Variants in NEBL observed in about 807,000 individuals in gnomAD.
NEBL encodes the protein LIM and SH3 protein 2.
In NEBL, 122 loss-of-function variants were observed where a neutral mutation model predicts 140.2. The ratio of observed to expected loss-of-function variants is 0.87; its 90% CI spans 0.75 to 1.01. The LOEUF is 1.01. Ranked by LOEUF, NEBL falls within the 50% of genes least tolerant of loss-of-function variation. The pLI, the probability that NEBL is intolerant of heterozygous loss-of-function variation, is 0.00. For missense variants in NEBL, 1,365 were observed against 1,231.3 expected (o/e 1.11, Z -1.62); for synonymous variants, 436 against 398.9 (o/e 1.09, Z -1.11).
At chr10:20,854,990 A>T (rs1027297771) in intron 9 of NEBL, among the ~76,000 whole-genome samples, 1 of 152,044 alleles carries the variant, frequency 6.6e-6, no homozygotes, top group African/African-American at 2.4e-5. Context: ...TCTGGGAGGC[A>T]GAGACAGGCG....
chr10:21,279,289 A>ATTTT (rs33940640), intron 1 of NEBL, among the ~76,000 whole-genome samples: 6 of 131,830 alleles, frequency 4.6e-5, no homozygotes, highest in Non-Finnish European at 7.9e-5. Context: ...TATTTTTTCA[A>ATTTT]TTTTTTTTTT....
intron 25 of NEBL, 31 bp from the exon 26 acceptor site, chr10:20,808,690 G>A (rs1275240391): frequency 1.9e-6 from 3 of 1,601,168 alleles, no homozygotes; most frequent in Non-Finnish European, 8.6e-7. Flanking sequence ...TTACACGTGT[G>A]ATTAAGTGAC....
intron 26 of NEBL, among the ~76,000 whole-genome samples, chr10:20,790,382 C>T (rs1020771608): frequency 1.3e-5 from 2 of 151,942 alleles, no homozygotes; most frequent in African/African-American, 4.8e-5. Flanking sequence ...GTGGGCAGAT[C>T]ACTGGAGGTC....
At chr10:21,113,161 A>C in intron 2 of NEBL, 1 of 297,580 alleles carries the variant, frequency 3.4e-6, no homozygotes, top group Non-Finnish European at 6.4e-6. Context: ...TTTGATGATG[A>C]GGAAACTGAA....
intron 4 of NEBL, among the ~76,000 whole-genome samples, chr10:20,937,426 C>CA (rs1258769723): frequency 6.6e-6 from 1 of 152,140 alleles, no homozygotes; most frequent in Non-Finnish European, 1.5e-5. Context: ...TCAGCTGAAA[C>CA]AGGTCACTTC....
chr10:20,981,548 C>T (rs1837042816), intron 3 of NEBL, among the ~76,000 whole-genome samples: 2 of 152,172 alleles, frequency 1.3e-5, no homozygotes, highest in South Asian at 4.1e-4. Flanking sequence ...CCCTGACTTG[C>T]TTCTGAAAAC....
At chr10:20,876,068 T>C (rs1845470191) in intron 5 of NEBL, among the ~76,000 whole-genome samples, 1 of 152,240 alleles carries the variant, frequency 6.6e-6, no homozygotes, top group Admixed American at 6.5e-5. Context: ...AGGCATGCTG[T>C]GCATAAAAAC....
intron 3 of NEBL, among the ~76,000 whole-genome samples, chr10:21,007,560 C>A (rs143657852): frequency 3.3e-4 from 51 of 152,264 alleles, no homozygotes; most frequent in Middle Eastern, 3.4e-3. Flanking sequence ...TACATTATCA[C>A]CCTTATCATC....
chr10:20,797,446 A>C (rs1836663004), intron 26 of NEBL, among the ~76,000 whole-genome samples: 1 of 152,238 alleles, frequency 6.6e-6, no homozygotes, highest in Admixed American at 6.5e-5. Flanking sequence ...AAGCCACACT[A>C]AATATCATAA....
rs1320733860 is a variant in NEBL, at chr10:20,813,992, A to C, written c.2293T>G (p.Leu765Val). The C allele has an allele frequency of 6.2e-7, 1 of 1,611,512 alleles. No individual in the cohort carries two copies. The highest frequency in any genetic ancestry group is 2.2e-5 in the East Asian group (1 of 44,852). The change falls in exon 23 of 28, where the codon TTA becomes GTA. Residue 765 changes from leucine to valine, a missense_variant. By Grantham distance (32) the Leu-to-Val change is conservative. Transcript: ENST00000377122. ...KQMKGRPSLI[L>V]DTPAMRHVKE... ...ACATGTCTCATAGCAGGTGTATCTA[A>C]AATCAGACTTGGTCTACCTTTCATC...
At chr10:20,833,438 A>G (rs1840602054) in intron 14 of NEBL, among the ~76,000 whole-genome samples, 1 of 152,232 alleles carries the variant, frequency 6.6e-6, no homozygotes, top group Non-Finnish European at 1.5e-5. Flanking sequence ...CCTGTCATTT[A>G]GGCAAAATGG....
intron 3 of NEBL, among the ~76,000 whole-genome samples, chr10:21,191,032 T>C (rs1457180817): frequency 2.6e-5 from 4 of 152,196 alleles, no homozygotes; most frequent in African/African-American, 9.6e-5. Flanking sequence ...TTATAATTAA[T>C]AATGCCTGAA....
At chr10:20,796,821 G>A (rs1836592548) in intron 26 of NEBL, among the ~76,000 whole-genome samples, 1 of 152,210 alleles carries the variant, frequency 6.6e-6, no homozygotes, top group South Asian at 2.1e-4. Flanking sequence ...TGAGGGAAAA[G>A]AAAATAATTT....
chr10:20,912,638 T>C (rs1005793484), intron 4 of NEBL, among the ~76,000 whole-genome samples: 2 of 152,190 alleles, frequency 1.3e-5, no homozygotes, highest in Non-Finnish European at 2.9e-5. Context: ...ACCTGATATC[T>C]TGTTCCTCTC....
intron 1 of NEBL, among the ~76,000 whole-genome samples, chr10:21,269,303 T>C (rs1842833735): frequency 6.6e-6 from 1 of 152,096 alleles, no homozygotes; most frequent in Admixed American, 6.6e-5. Context: ...AATTGGGCCC[T>C]CCTCCCCCTA....
intron 4 of NEBL, among the ~76,000 whole-genome samples, chr10:20,949,068 G>A (rs1297456064): frequency 1.3e-5 from 2 of 152,130 alleles, no homozygotes; most frequent in Non-Finnish European, 2.9e-5. Flanking sequence ...AATATTTTGG[G>A]CCCTGTCATG....
At chr10:21,265,047 C>T (rs962414547) in intron 1 of NEBL, among the ~76,000 whole-genome samples, 5 of 152,116 alleles carry the variant, frequency 3.3e-5, no homozygotes, top group East Asian at 1.9e-4. Context: ...CTCAGCCTCC[C>T]GAGTAGCTGG....
chr10:20,844,265 A>G (rs1289354897), intron 12 of NEBL, among the ~76,000 whole-genome samples: 1 of 152,042 alleles, frequency 6.6e-6, no homozygotes, highest in Non-Finnish European at 1.5e-5. Context: ...TCACTGGTCT[A>G]AGAGATTTCC....
At chr10:21,232,337 T>A (rs1334949167) in intron 3 of NEBL, among the ~76,000 whole-genome samples, 2 of 152,172 alleles carry the variant, frequency 1.3e-5, no homozygotes, top group Non-Finnish European at 2.9e-5. Context: ...ACCTGTTAAG[T>A]GGAACACAAA....
Sources: gnomAD v4.1 joint callset for allele counts (sites outside exome capture counted in the v4.1 genomes callset) on GRCh38, gnomAD v4.1.1 for gene constraint, MANE v1.5 for transcripts, NCBI Gene and HGNC (gene_info 2026-07-23, HGNC 2026-07-21) for gene names.